The following CLYBL variants were observed in gnomAD, a reference collection of about 807,000 sequenced individuals.
The protein encoded by CLYBL is citramalyl-CoA lyase.
CLYBL carries 31 observed loss-of-function variants against 38.9 expected under a neutral mutation model. The ratio of observed to expected loss-of-function variants is 0.80; its 90% CI spans 0.60 to 1.08. The LOEUF (loss-of-function observed/expected upper bound fraction) is 1.08, where lower values mean the gene tolerates loss of function less well. CLYBL is among the 50% of genes least tolerant of loss of function. The pLI is 0.00. For missense variants in CLYBL, 434 were observed against 411.6 expected (o/e 1.05, Z -0.47); for synonymous variants, 171 against 158.6 (o/e 1.08, Z -0.59).
At chr13:99,883,636 C>G (rs1173254578) in intron 7 of CLYBL, among the ~76,000 whole-genome samples, 1 of 152,128 alleles carries the variant, frequency 6.6e-6, no homozygotes, top group Non-Finnish European at 1.5e-5. Flanking sequence ...AGCTTTTGAG[C>G]CATAGACAGA....
chr13:99,707,161 G>A (rs1017526645), intron 1 of CLYBL, among the ~76,000 whole-genome samples: 1 of 152,164 alleles, frequency 6.6e-6, no homozygotes. Context: ...TGAAGGCTGA[G>A]CAGGTCATAC....
intron 2 of CLYBL, among the ~76,000 whole-genome samples, chr13:99,844,163 G>T (rs542521658): frequency 3.3e-4 from 51 of 152,274 alleles, no homozygotes; most frequent in African/African-American, 1.2e-3. Flanking sequence ...GTAACTCACC[G>T]ACCCTCGAGG....
At chr13:99,817,383 G>T (rs1432920032) in intron 2 of CLYBL, among the ~76,000 whole-genome samples, 1 of 152,194 alleles carries the variant, frequency 6.6e-6, no homozygotes, top group Non-Finnish European at 1.5e-5. Flanking sequence ...CACTGGCCGG[G>T]TGCAGTGGCT....
At chr13:99,862,691 T>A (rs1281942919) in intron 3 of CLYBL, among the ~76,000 whole-genome samples, 1 of 152,166 alleles carries the variant, frequency 6.6e-6, no homozygotes, top group African/African-American at 2.4e-5. Context: ...CTTAAGTAAA[T>A]GCGTTTTCAG....
At chr13:99,844,074 G>A (rs1178469663) in intron 2 of CLYBL, among the ~76,000 whole-genome samples, 1 of 152,166 alleles carries the variant, frequency 6.6e-6, no homozygotes, top group Non-Finnish European at 1.5e-5. Flanking sequence ...CGTACTGGCC[G>A]GGGCTGCTGG....
chr13:99,731,661 G>A (rs887677241), intron 1 of CLYBL, among the ~76,000 whole-genome samples: 3 of 152,198 alleles, frequency 2.0e-5, no homozygotes, highest in Non-Finnish European at 4.4e-5. Flanking sequence ...CAGAGGCGGA[G>A]GGTAGATAGG....
chr13:99,723,407 T>C (rs2806275), intron 1 of CLYBL, among the ~76,000 whole-genome samples: 55,781 of 152,146 alleles, frequency 0.37, 10,994 homozygotes, highest in East Asian at 0.6. Context: ...AGCATTAAAT[T>C]ATGAGCTTTC....
intron 2 of CLYBL, among the ~76,000 whole-genome samples, chr13:99,811,680 G>C (rs1594197539): frequency 6.6e-6 from 1 of 152,070 alleles, no homozygotes; most frequent in Admixed American, 6.5e-5. Flanking sequence ...GTCCCCACAC[G>C]ACCTCCAGCT....
At chr13:99,608,494 G>T (rs2046568184) in intron 1 of CLYBL, among the ~76,000 whole-genome samples, 1 of 152,166 alleles carries the variant, frequency 6.6e-6, no homozygotes, top group Non-Finnish European at 1.5e-5. Context: ...CTGGCACAGG[G>T]GAGTCACCCC....
chr13:99,667,239 C>A (rs2047495005), intron 1 of CLYBL, among the ~76,000 whole-genome samples: 1 of 152,068 alleles, frequency 6.6e-6, no homozygotes, highest in South Asian at 2.1e-4. Context: ...ACAGAAATGC[C>A]ACACGTAACC....
intron 7 of CLYBL, chr13:99,884,885 C>T: frequency 4.6e-6 from 2 of 438,590 alleles, no homozygotes; most frequent in South Asian, 3.5e-5. Context: ...AAAGCTTTGC[C>T]CAGACAACTA....
chr13:99,641,900 T>C (rs911958392), intron 1 of CLYBL, among the ~76,000 whole-genome samples: 5 of 152,304 alleles, frequency 3.3e-5, no homozygotes, highest in African/African-American at 1.2e-4. Flanking sequence ...ATTTCTGAGA[T>C]TGGTGCATTT....
chr13:99,883,863 C>T (rs2052279912), intron 7 of CLYBL, among the ~76,000 whole-genome samples: 1 of 152,196 alleles, frequency 6.6e-6, no homozygotes, highest in African/African-American at 2.4e-5. Flanking sequence ...TGAAGCCCTT[C>T]CCTGGCCAAA....
intron 1 of CLYBL, among the ~76,000 whole-genome samples, chr13:99,670,100 G>A (rs1345924275): frequency 4.6e-5 from 7 of 152,142 alleles, no homozygotes; most frequent in Non-Finnish European, 7.3e-5. Context: ...TCAAGAGGCT[G>A]AGGTATGAGA....
At chr13:99,686,105 T>C (rs2047813723) in intron 1 of CLYBL, among the ~76,000 whole-genome samples, 2 of 152,180 alleles carry the variant, frequency 1.3e-5, no homozygotes, top group Non-Finnish European at 1.5e-5. Context: ...TCTTTTGTGC[T>C]ATGCTGGAGA....
At chr13:99,895,982 G>A (rs935427060), downstream of CLYBL, 1 of 151,834 alleles carries the variant, frequency 6.6e-6, no homozygotes, top group African/African-American at 2.4e-5. Context: ...GGCACCGCGA[G>A]CCGGGGTGGG....
intron 1 of CLYBL, among the ~76,000 whole-genome samples, chr13:99,680,079 C>T (rs1487839857): frequency 6.6e-6 from 1 of 152,134 alleles, no homozygotes; most frequent in African/African-American, 2.4e-5. Flanking sequence ...AAAACTGGCT[C>T]GTGTTTTCAT....
At chr13:99,723,199 G>A (rs2048419708) in intron 1 of CLYBL, among the ~76,000 whole-genome samples, 1 of 152,178 alleles carries the variant, frequency 6.6e-6, no homozygotes, top group Non-Finnish European at 1.5e-5. Context: ...GTGGACTTCC[G>A]GAGCAATAAA....
intron 2 of CLYBL, among the ~76,000 whole-genome samples, chr13:99,819,293 T>G (rs2050525572): frequency 2.0e-5 from 3 of 150,092 alleles, no homozygotes; most frequent in Admixed American, 2.0e-4. Flanking sequence ...TACAGTTAAC[T>G]ATGATTATGC....
Sources: allele counts gnomAD v4.1 joint callset (sites outside exome capture counted in the v4.1 genomes callset), GRCh38; gene constraint gnomAD v4.1.1; transcripts MANE v1.5; gene names NCBI Gene and HGNC (gene_info 2026-07-23, HGNC 2026-07-21).